ORC4: variants seen among roughly 807,000 people sequenced by gnomAD.
ORC4 encodes origin recognition complex subunit 4.
A neutral mutation model predicts 63.9 loss-of-function variants in ORC4; 55 were observed. That is an observed-to-expected ratio of 0.86 (90% confidence interval 0.69 to 1.08). The LOEUF (loss-of-function observed/expected upper bound fraction) is 1.08, where lower values mean the gene tolerates loss of function less well. Among genes scored for constraint, ORC4 ranks in the 50% least tolerant of loss-of-function variants. ORC4 has a pLI of 0.00. For synonymous variants in ORC4, 150 were observed against 168.5 expected (o/e 0.89, Z 0.85); for missense variants, 511 against 504.4 (o/e 1.01, Z -0.13).
chr2:147,944,659 AT>A (rs1272981399), intron 9 of ORC4, among the ~76,000 whole-genome samples: 3 of 150,848 alleles, frequency 2.0e-5, no homozygotes, highest in Non-Finnish European at 4.4e-5. Flanking sequence ...GATTGTCATA[AT>A]TTTTCAAAAA....
At chr2:148,015,298 G>C (rs1348530064) in intron 1 of ORC4, among the ~76,000 whole-genome samples, 2 of 145,976 alleles carry the variant, frequency 1.4e-5, no homozygotes, top group Non-Finnish European at 3.0e-5. Flanking sequence ...TTTGCCATTT[G>C]ATATTGGAAT....
chr2:147,974,356 G>A (rs1158234256), intron 2 of ORC4, among the ~76,000 whole-genome samples: 8 of 152,082 alleles, frequency 5.3e-5, no homozygotes, highest in African/African-American at 1.9e-4. Context: ...AAAGGGGGCT[G>A]GCCGCTGTGG....
At chr2:147,970,662 C>T (rs916727242) in intron 4 of ORC4, among the ~76,000 whole-genome samples, 2 of 149,874 alleles carry the variant, frequency 1.3e-5, no homozygotes, top group African/African-American at 4.9e-5. Context: ...GACCTTACAT[C>T]TTTCACAAAA....
chr2:147,991,941 AAG>A (rs1358378872), intron 1 of ORC4, among the ~76,000 whole-genome samples: 1 of 152,238 alleles, frequency 6.6e-6, no homozygotes, highest in Non-Finnish European at 1.5e-5. Context: ...ATGAATAAAA[AAG>A]AAATACTAGT....
At chr2:148,016,003 T>C (rs534261641) in intron 1 of ORC4, among the ~76,000 whole-genome samples, 25 of 152,284 alleles carry the variant, frequency 1.6e-4, no homozygotes, top group African/African-American at 5.8e-4. Flanking sequence ...ACATGAGAAG[T>C]TGCTGAAGAA....
chr2:148,015,826 T>C (rs2168145), intron 1 of ORC4, among the ~76,000 whole-genome samples: 50,143 of 151,958 alleles, frequency 0.33, 8,543 homozygotes, highest in East Asian at 0.52. Context: ...ATATCAACAA[T>C]GCATTTGGCC....
At chr2:148,019,410 T>G (rs1380052189) in intron 1 of ORC4, among the ~76,000 whole-genome samples, 1 of 152,046 alleles carries the variant, frequency 6.6e-6, no homozygotes, top group East Asian at 1.9e-4. Flanking sequence ...ACCAACATGG[T>G]GAAACCCCGT....
At position 147,957,156 on chromosome 2, in the gene ORC4, T is replaced by C. The variant is rs192029215; in HGVS notation, c.387+1142A>G. 7.0e-3 allele frequency among the ~76,000 whole-genome samples: 1,028 copies of C among 147,594 alleles called. 36 individuals carry two copies. Among genetic ancestry groups the C allele is most frequent in the Admixed American group, 0.065 (950 of 14,684 alleles). ...TAATCTATAATTACATATAATAAACTATAATTATATATAATCTATTAGATA... is the reference window on the plus strand; with the variant it reads ...TAATCTATAATTACATATAATAAACCATAATTATATATAATCTATTAGATA... On this transcript the variant is annotated intron_variant, in intron 6 of 13. Transcript: ENST00000392857.
rs769680603 is a variant in ORC4, at chr2:147,955,306, A to C, written c.436+41T>G. Reference sequence around the variant, plus strand: ...TTATAATCAGGGAAAAAATAAAGTTAAAACAGATCTTCTGAAACGGCTGAA... The same window carrying C: ...TTATAATCAGGGAAAAAATAAAGTTCAAACAGATCTTCTGAAACGGCTGAA... On this transcript the variant is annotated intron_variant, in intron 7 of 13. Transcript: ENST00000392857. 1.0e-5 allele frequency: 14 copies of C among 1,404,224 alleles called. No homozygotes were observed. In the East Asian group the frequency reaches 3.0e-4, roughly 30 times the overall value. The allele number at this position is 1,404,224 out of a possible 1,614,324, so 87.0% of individuals were successfully genotyped here. A position where few individuals can be genotyped will look rare whatever the true frequency, so the allele number is the denominator to read the frequency against.
chr2:148,008,233 G>A (rs2105454945), intron 1 of ORC4, among the ~76,000 whole-genome samples: 1 of 152,314 alleles, frequency 6.6e-6, no homozygotes, highest in South Asian at 2.1e-4. Context: ...ACTGGTGAAA[G>A]TAAGTGCACA....
intron 1 of ORC4, among the ~76,000 whole-genome samples, chr2:147,996,203 C>T (rs1355744262): frequency 6.6e-6 from 1 of 152,056 alleles, no homozygotes; most frequent in Non-Finnish European, 1.5e-5. Flanking sequence ...ACTTGGGAGG[C>T]TGAGGCAGGA....
intron 1 of ORC4, among the ~76,000 whole-genome samples, chr2:148,006,061 T>C (rs958390117): frequency 2.0e-5 from 3 of 152,134 alleles, no homozygotes; most frequent in Admixed American, 1.3e-4. Context: ...TTTAACATAA[T>C]ATCAAGGAAA....
chr2:147,967,053 A>T (rs1475573410), intron 4 of ORC4, among the ~76,000 whole-genome samples: 1 of 152,134 alleles, frequency 6.6e-6, no homozygotes, highest in Non-Finnish European at 1.5e-5. Context: ...ATCAATAAAC[A>T]TCATACACCA....
chr2:147,994,109 C>T (rs942705411), intron 1 of ORC4, among the ~76,000 whole-genome samples: 5 of 151,940 alleles, frequency 3.3e-5, no homozygotes, highest in African/African-American at 1.2e-4. Context: ...TATACATTAG[C>T]AACAACAACA....
chr2:147,962,694 GGA>G (rs1689667995), intron 4 of ORC4, among the ~76,000 whole-genome samples: 1 of 152,134 alleles, frequency 6.6e-6, no homozygotes, highest in South Asian at 2.1e-4. Flanking sequence ...CTCCCAAGAA[GGA>G]GAGGCCCCCG....
At chr2:147,973,354 T>C in intron 3 of ORC4, 94 bp downstream of exon 3, 4 of 813,894 alleles carry the variant, frequency 4.9e-6, no homozygotes, top group Non-Finnish European at 8.7e-6. Flanking sequence ...GTTTGTTAGC[T>C]TTATTTAATA....
chr2:147,994,449 T>C (rs1215117800), intron 1 of ORC4, among the ~76,000 whole-genome samples: 2 of 152,140 alleles, frequency 1.3e-5, no homozygotes, highest in Non-Finnish European at 2.9e-5. Context: ...CAAGACATTA[T>C]AAAACTATAC....
intron 3 of ORC4, among the ~76,000 whole-genome samples, 188 bp downstream of exon 3, chr2:147,973,260 T>C (rs1690327750): frequency 6.6e-6 from 1 of 152,194 alleles, no homozygotes; most frequent in African/African-American, 2.4e-5. Flanking sequence ...TGCTATTGCA[T>C]TATGGAAATA....
chr2:147,955,538 A>G lies in ORC4; in HGVS notation c.388-143T>C, dbSNP rs903681130. On this transcript the variant is annotated intron_variant, in intron 6 of 13. Coordinates refer to ENST00000392857, the MANE Select transcript of ORC4 (RefSeq NM_181741.4). Reference sequence around the variant, plus strand: ...TGCCCAGACTCTGCTGAGTGTCTCTATACTTCCTATCTAAAACTTAAATAC... The same window carrying G: ...TGCCCAGACTCTGCTGAGTGTCTCTGTACTTCCTATCTAAAACTTAAATAC... 2.0e-5 allele frequency: 12 copies of G among 586,132 alleles called. No homozygotes were observed. In the African/African-American group the frequency reaches 2.3e-4, roughly 11 times the overall value. 36.3% of individuals were successfully genotyped at this position (586,132 alleles called of 1,614,324 possible).
Sources: allele counts gnomAD v4.1 joint callset (sites outside exome capture counted in the v4.1 genomes callset), GRCh38; gene constraint gnomAD v4.1.1; transcripts MANE v1.5; gene names NCBI Gene and HGNC (gene_info 2026-07-23, HGNC 2026-07-21).